Variants in BMP7 observed in about 807,000 individuals in gnomAD.
BMP7 encodes the protein bone morphogenetic protein 7, also known as osteogenic protein 1.
In BMP7, 12 loss-of-function variants were observed where a neutral mutation model predicts 41.2. The ratio of observed to expected loss-of-function variants is 0.29; its 90% CI spans 0.19 to 0.47. The LOEUF is 0.47. BMP7 is among the 20% of genes least tolerant of loss of function. The probability of loss-of-function intolerance (pLI) is 0.99; values close to 1 mark genes in which losing one functional copy is unlikely to be tolerated. For synonymous variants in BMP7, 248 were observed against 250.0 expected, an observed-to-expected ratio of 0.99 and a Z score of 0.07; for missense variants, 467 against 606.0, an observed-to-expected ratio of 0.77 and a Z score of 2.41.
chr20:57,262,720 C>T (rs1309120381), intron 1 of BMP7, among the ~76,000 whole-genome samples: 1 of 152,002 alleles, frequency 6.6e-6, no homozygotes, highest in Non-Finnish European at 1.5e-5. Flanking sequence ...AGATCCTCAC[C>T]CATGCCCCCC....
At position 57,199,256 on chromosome 20, in the gene BMP7, C is replaced by T. The variant is rs947617568; in HGVS notation, c.760+3219G>A. Among the ~76,000 whole-genome samples, 95 of 152,280 alleles carry T rather than the reference C, an allele frequency of 6.2e-4. 1 individual carries two copies. The highest frequency in any genetic ancestry group is 2.1e-3 in the African/African-American group (87 of 41,560). The stretch of plus-strand genomic sequence containing the variant: ...GGCAGGGGAGGGTTGAGACCCAGAA[C>T]CCGAGGGGTACCTGTCAGCCCAGGC... On this transcript the variant is annotated intron_variant, in intron 3 of 6. Coordinates refer to ENST00000395863, the MANE Select transcript of BMP7 (RefSeq NM_001719.3).
At chr20:57,234,241 T>G (rs1265066446) in intron 1 of BMP7, among the ~76,000 whole-genome samples, 1 of 152,188 alleles carries the variant, frequency 6.6e-6, no homozygotes, top group East Asian at 1.9e-4. Context: ...TGGCCACACA[T>G]AGGCCTTCTT....
intron 2 of BMP7, among the ~76,000 whole-genome samples, chr20:57,203,263 T>C (rs1356568796): frequency 6.6e-6 from 1 of 152,116 alleles, no homozygotes; most frequent in Non-Finnish European, 1.5e-5. Flanking sequence ...ATGGTATTAA[T>C]AGTGAAAATC....
Position 57,214,147 on chromosome 20 carries a change from A to C in BMP7, c.612-11524T>G, listed in dbSNP as rs552439387. ...ACTGTTGTCCCCTCTCACAGGTGGG[A>C]GACTGAGGCTCAGAGATATGCAGGT... On this transcript the variant is annotated intron_variant, in intron 2 of 6. Coordinates refer to ENST00000395863, the MANE Select transcript of BMP7 (RefSeq NM_001719.3). This position sits in a 1 kb window ranked among gnomAD's most constrained non-coding sequence, Gnocchi z 4.0. Among the ~76,000 whole-genome samples, 6 of 152,258 alleles carry C rather than the reference A, an allele frequency of 3.9e-5. No individual in the cohort carries two copies. The highest frequency in any genetic ancestry group is 7.4e-5 in the Non-Finnish European group (5 of 68,008).
At chr20:57,192,220 CTATTA>C (rs1257535579) in intron 3 of BMP7, among the ~76,000 whole-genome samples, 28 of 119,110 alleles carry the variant, frequency 2.4e-4, no homozygotes, top group Admixed American at 4.0e-4. Context: ...ATATTATATA[CTATTA>C]TATTATATAA....
In BMP7 at chr20:57,262,835, C is replaced by T. The variant is rs554500021; in HGVS notation, c.418+2870G>A. On this transcript the variant is annotated intron_variant, in intron 1 of 6. Transcript: ENST00000395863. ...GAATAAACTTGCCTTTAGAAAACTT[C>T]GAATACTACAGATCAACATGATTTG... Among the ~76,000 whole-genome samples the T allele has an allele frequency of 7.9e-5, 12 of 152,324 alleles. No homozygotes were observed. The East Asian group carries it at 2.3e-3, about 29-fold the overall frequency.
intron 1 of BMP7, among the ~76,000 whole-genome samples, chr20:57,234,874 G>C (rs912936858): frequency 1.3e-5 from 2 of 152,198 alleles, no homozygotes; most frequent in African/African-American, 4.8e-5. Flanking sequence ...TTCCTTTCTA[G>C]TTTAAGTAAA....
chr20:57,186,730 C>T (rs1203275969), intron 3 of BMP7, among the ~76,000 whole-genome samples: 1 of 152,162 alleles, frequency 6.6e-6, no homozygotes, highest in African/African-American at 2.4e-5. Context: ...CCTGGAGTCC[C>T]CCAGACGGGC....
chr20:57,234,587 C>CA (rs2066040759), intron 1 of BMP7, among the ~76,000 whole-genome samples: 1 of 152,154 alleles, frequency 6.6e-6, no homozygotes, highest in Admixed American at 6.5e-5. Context: ...CAGTTCTGAG[C>CA]AAAACACACA....
At position 57,181,900 on chromosome 20, in the gene BMP7, T is replaced by C. The variant is rs557934184; in HGVS notation, c.958+1822A>G. On this transcript the variant is annotated intron_variant, in intron 4 of 6. Coordinates refer to ENST00000395863, the MANE Select transcript of BMP7 (RefSeq NM_001719.3). ...TTAGCACCTGTGATTCCAAGGGCAGTCGTAACTCCCCTTTGCCCTGGAGGG... is the reference window on the plus strand; with the variant it reads ...TTAGCACCTGTGATTCCAAGGGCAGCCGTAACTCCCCTTTGCCCTGGAGGG... 1.1e-4 allele frequency among the ~76,000 whole-genome samples: 16 copies of C among 152,350 alleles called. No homozygotes were observed. In the South Asian group the frequency reaches 3.3e-3, roughly 32 times the overall value.
chr20:57,193,210 T>C (rs1984418205), intron 3 of BMP7, among the ~76,000 whole-genome samples: 1 of 152,234 alleles, frequency 6.6e-6, no homozygotes, highest in Non-Finnish European at 1.5e-5. Flanking sequence ...TCAATCGGGA[T>C]ACAGAGCAGC....
intron 3 of BMP7, chr20:57,186,999 T>C (rs1398435922): frequency 6.6e-6 from 1 of 152,218 alleles, no homozygotes; most frequent in Non-Finnish European, 1.5e-5. Context: ...AGAAGGCTTT[T>C]AGGGCAAAAT....
intron 2 of BMP7, among the ~76,000 whole-genome samples, chr20:57,226,826 T>A (rs991579935): frequency 9.4e-5 from 12 of 127,644 alleles, no homozygotes; most frequent in African/African-American, 3.1e-4. Flanking sequence ...CTCAAAAACT[T>A]TTTTTTTTTT....
intron 1 of BMP7, among the ~76,000 whole-genome samples, chr20:57,230,040 T>C (rs538448045): frequency 6.6e-6 from 1 of 152,324 alleles, no homozygotes; most frequent in South Asian, 2.1e-4. Context: ...GGAGCATCCC[T>C]GTCTTTGGAG....
chr20:57,201,384 A>C (rs533930194), intron 3 of BMP7, among the ~76,000 whole-genome samples: 10 of 152,366 alleles, frequency 6.6e-5, no homozygotes, highest in Admixed American at 3.9e-4. Flanking sequence ...AACGGCTGAC[A>C]GGACCAGTCT....
intron 1 of BMP7, among the ~76,000 whole-genome samples, chr20:57,264,474 CG>C (rs532553582): frequency 6.6e-6 from 1 of 152,122 alleles, no homozygotes; most frequent in African/African-American, 2.4e-5. Context: ...CTGGCGCTGC[CG>C]GGGGGTTAGT....
intron 1 of BMP7, among the ~76,000 whole-genome samples, chr20:57,233,915 G>C (rs78697910): frequency 6.6e-6 from 1 of 152,126 alleles, no homozygotes; most frequent in Non-Finnish European, 1.5e-5. Flanking sequence ...AAAACTAAAC[G>C]AACACAATAC....
At chr20:57,241,713 T>G (rs890895064) in intron 1 of BMP7, among the ~76,000 whole-genome samples, 2 of 152,144 alleles carry the variant, frequency 1.3e-5, no homozygotes, top group African/African-American at 4.8e-5. Flanking sequence ...GGCCATCCTC[T>G]TGTCATGAGC....
Position 57,183,793 on chromosome 20 carries a change from C to G in BMP7, c.887G>C (p.Ser296Thr). ...VHFRSIRSTG[S>T]KQRSQNRSKT... is the part of the protein sequence containing the mutation. Reference sequence around the variant, plus strand: ...GGAGCGGTTCTGGCTGCGCTGTTTGCTCCCCGTGGACCGGATGCTGCGGAA... The same window carrying G: ...GGAGCGGTTCTGGCTGCGCTGTTTGGTCCCCGTGGACCGGATGCTGCGGAA... The change falls in exon 4 of 7, where the codon AGC becomes ACC. Residue 296 changes from serine to threonine, a missense_variant. Physicochemically the swap from Ser to Thr is moderately conservative, Grantham distance 58. This residue lies in a region of BMP7 where 407 missense variants were observed against 485.9 expected (regional missense o/e 0.84). Transcript: ENST00000395863. The G allele has an allele frequency of 1.9e-6, 3 of 1,614,212 alleles. No individual in the cohort carries two copies. The highest frequency in any genetic ancestry group is 2.5e-6 in the Non-Finnish European group (3 of 1,180,046).
Sources: allele counts gnomAD v4.1 joint callset (sites outside exome capture counted in the v4.1 genomes callset), GRCh38; gene constraint gnomAD v4.1.1; regional missense constraint gnomAD v4.1.1; non-coding constraint Gnocchi (gnomAD v3.1); transcripts MANE v1.5; gene names NCBI Gene and HGNC (gene_info 2026-07-23, HGNC 2026-07-21).